TNR: variants seen among roughly 807,000 people sequenced by gnomAD.
TNR encodes tenascin R, also known as tenascin-R.
In TNR, 45 loss-of-function variants were observed where a neutral mutation model predicts 150.4. The ratio of observed to expected loss-of-function variants is 0.30; its 90% CI spans 0.24 to 0.38. The LOEUF is 0.38. Ranked by LOEUF, TNR falls within the 10% of genes least tolerant of loss-of-function variation. TNR has a pLI of 1.00. For synonymous variants in TNR, 687 were observed against 678.4 expected (o/e 1.01, Z -0.20); for missense variants, 1,544 against 1,759.1 (o/e 0.88, Z 2.19).
chr1:175,427,887 TCG>T (rs1655082493), intron 2 of TNR, among the ~76,000 whole-genome samples: 1 of 125,420 alleles, frequency 8.0e-6, no homozygotes, highest in African/African-American at 3.3e-5. Flanking sequence ...CCTCCCTTCT[TCG>T]CTTCCTTCCT....
chr1:175,577,901 T>C (rs1662188227), intron 1 of TNR, among the ~76,000 whole-genome samples: 1 of 151,828 alleles, frequency 6.6e-6, no homozygotes, highest in Admixed American at 6.6e-5. Flanking sequence ...TAACTAAGAG[T>C]GGGTTGTCAA....
intron 2 of TNR, among the ~76,000 whole-genome samples, chr1:175,420,075 T>C (rs1188390028): frequency 6.6e-6 from 1 of 152,062 alleles, no homozygotes; most frequent in Admixed American, 6.5e-5. Flanking sequence ...TGAAGGGCAC[T>C]GCTTCTCTCA....
chr1:175,704,228 A>G lies in TNR; in HGVS notation c.-165+38998T>C, dbSNP rs73035454. ...TTAAATTTTATGTTACGTGGATTTT[A>G]CCATAATAAACGAGTTGTGACTTAA... On this transcript the variant is annotated intron_variant, in intron 1 of 22. Transcript: ENST00000367674. Among the ~76,000 whole-genome samples the G allele has an allele frequency of 8.6e-3, 1,315 of 152,320 alleles. 13 individuals are homozygous for G. The highest frequency in any genetic ancestry group is 0.025 in the African/African-American group (1,019 of 41,576).
At chr1:175,687,533 C>T (rs893591137) in intron 1 of TNR, among the ~76,000 whole-genome samples, 4 of 152,070 alleles carry the variant, frequency 2.6e-5, no homozygotes, top group African/African-American at 9.7e-5. Context: ...CTTTCCTTTT[C>T]TTTCTCCCAG....
At chr1:175,526,367 C>T (rs1373006476) in intron 2 of TNR, among the ~76,000 whole-genome samples, 1 of 152,154 alleles carries the variant, frequency 6.6e-6, no homozygotes, top group African/African-American at 2.4e-5. Context: ...AATTGAAGGA[C>T]AGAACTCTGT....
intron 2 of TNR, among the ~76,000 whole-genome samples, chr1:175,518,114 G>A (rs373821175): frequency 3.9e-5 from 6 of 152,256 alleles, no homozygotes; most frequent in African/African-American, 1.2e-4. Context: ...AGATTTCCCA[G>A]ATATTACATT....
At chr1:175,643,082 G>C (rs186220186) in intron 1 of TNR, among the ~76,000 whole-genome samples, 2 of 152,302 alleles carry the variant, frequency 1.3e-5, no homozygotes, top group African/African-American at 4.8e-5. Flanking sequence ...TTGGGTGAGA[G>C]GTGAAGGAAA....
intron 18 of TNR, among the ~76,000 whole-genome samples, chr1:175,339,795 A>G (rs539358280): frequency 6.6e-6 from 1 of 152,312 alleles, no homozygotes; most frequent in African/African-American, 2.4e-5. Context: ...CCAACAAAAC[A>G]TCTCCCCACA....
At chr1:175,361,851 G>C (rs1011358679) in intron 14 of TNR, among the ~76,000 whole-genome samples, 57 of 152,208 alleles carry the variant, frequency 3.7e-4, no homozygotes, top group Non-Finnish European at 5.9e-4. Context: ...GTTCTGCCTG[G>C]TGTACTTGCT....
intron 1 of TNR, among the ~76,000 whole-genome samples, chr1:175,715,031 C>T (rs559024659): frequency 6.6e-6 from 1 of 152,352 alleles, no homozygotes; most frequent in African/African-American, 2.4e-5. Flanking sequence ...TAAAACCATG[C>T]TTCTCAAAGT....
chr1:175,392,824 T>C (rs1420059002), intron 6 of TNR, among the ~76,000 whole-genome samples: 1 of 152,294 alleles, frequency 6.6e-6, no homozygotes, highest in East Asian at 1.9e-4. Flanking sequence ...AATCGTAGTG[T>C]CTATAAATTA....
intron 1 of TNR, among the ~76,000 whole-genome samples, chr1:175,548,310 C>T (rs949321056): frequency 6.6e-6 from 1 of 151,636 alleles, no homozygotes; most frequent in African/African-American, 2.4e-5. Context: ...GCACAGAGAC[C>T]CTTGCTAAGA....
intron 8 of TNR, among the ~76,000 whole-genome samples, chr1:175,382,342 TGA>T (rs1200711777): frequency 2.0e-5 from 3 of 152,032 alleles, no homozygotes; most frequent in Non-Finnish European, 4.4e-5. Context: ...ATGCTTGGGG[TGA>T]GAAGGTGCAG....
At chr1:175,649,338 T>G (rs560298477) in intron 1 of TNR, among the ~76,000 whole-genome samples, 1 of 152,296 alleles carries the variant, frequency 6.6e-6, no homozygotes, top group African/African-American at 2.4e-5. Flanking sequence ...CACCCCCTAT[T>G]TAAAGAACCC....
At chr1:175,477,942 T>A (rs1242992611) in intron 2 of TNR, among the ~76,000 whole-genome samples, 1 of 151,962 alleles carries the variant, frequency 6.6e-6, no homozygotes, top group Non-Finnish European at 1.5e-5. Flanking sequence ...AGTAAGTGCT[T>A]AATCTCCAGC....
At chr1:175,425,062 G>A (rs536643432) in intron 2 of TNR, among the ~76,000 whole-genome samples, 1 of 152,256 alleles carries the variant, frequency 6.6e-6, no homozygotes, top group South Asian at 2.1e-4. Flanking sequence ...CAGACCTCAA[G>A]GCTCAGATTT....
chr1:175,526,780 C>T (rs1327965582), intron 2 of TNR, among the ~76,000 whole-genome samples: 2 of 152,212 alleles, frequency 1.3e-5, no homozygotes, highest in South Asian at 2.1e-4. Flanking sequence ...GTTTGAATTG[C>T]CAAGGAGCCA....
In TNR at chr1:175,359,625, A is replaced by T; in HGVS notation, c.2961T>A (p.Leu987=). The change falls in exon 15 of 23, where the codon CTT becomes CTA. Residue 987 remains leucine, a synonymous_variant. Coordinates refer to ENST00000367674, the MANE Select transcript of TNR (RefSeq NM_003285.3). ...GCAGACACCCACCTGCAAAGTGTGT[A>T]AGAACAATGACGTAGTTCTCCACCT... The part of the protein sequence containing the change: ...VGEVENYVIV[L]THFAVAGETI... The T allele has an allele frequency of 6.2e-7, 1 of 1,613,624 alleles. No homozygotes were observed. Among genetic ancestry groups the T allele is most frequent in the Admixed American group, 1.7e-5 (1 of 60,020 alleles).
intron 1 of TNR, among the ~76,000 whole-genome samples, chr1:175,724,295 C>T (rs577258835): frequency 4.6e-5 from 7 of 152,168 alleles, no homozygotes; most frequent in South Asian, 2.1e-4. Context: ...ACAATCATGG[C>T]GGATGGCAAA....
Sources: gnomAD v4.1 joint callset for allele counts (sites outside exome capture counted in the v4.1 genomes callset) on GRCh38, gnomAD v4.1.1 for gene constraint, MANE v1.5 for transcripts, NCBI Gene and HGNC (gene_info 2026-07-23, HGNC 2026-07-21) for gene names.